GPR75: variants seen among roughly 807,000 people sequenced by gnomAD.
The protein encoded by GPR75 is probable G protein-coupled receptor 75.
Under a neutral mutation model 26.0 loss-of-function variants are expected in GPR75, and 27 were observed. That is an observed-to-expected ratio of 1.04 (90% CI 0.77 to 1.43). The LOEUF (loss-of-function observed/expected upper bound fraction) is 1.43. Among genes scored for constraint, GPR75 ranks in the 40% most tolerant of loss-of-function variants. The pLI is 0.00. For synonymous variants in GPR75, 285 were observed against 256.3 expected (o/e 1.11, Z -1.07); for missense variants, 699 against 662.3 (o/e 1.06, Z -0.61).
chr2:53,856,037 G>A (rs906203184), intron 1 of GPR75, among the ~76,000 whole-genome samples: 2 of 152,204 alleles, frequency 1.3e-5, no homozygotes, highest in Admixed American at 1.3e-4. Context: ...AGAATATCCT[G>A]ATGGTGAAGC....
chr2:53,859,761 G>A, intron 1 of GPR75, 67 bp downstream of exon 1: 2 of 1,279,100 alleles, frequency 1.6e-6, no homozygotes, highest in Non-Finnish European at 2.1e-6. Context: ...TCGCTATCCC[G>A]CCAGCCTCCG....
chr2:53,854,583 A>C lies in GPR75; in HGVS notation c.174T>G (p.Tyr58Ter). ...AGGACAAGAAGACAATGAAGTTGCC[A>C]TAGGAACCCAGGCAGAAGATGACCG... ...LLAVIFCLGS[Y>*]GNFIVFLSFF... Residue 58 changes from tyrosine (Y) to a stop codon, truncating the protein, a stop_gained, in exon 2 of 2, where the codon TAT becomes TAG. Transcript: ENST00000394705. LOFTEE classifies it high-confidence loss of function. 6.2e-7 allele frequency: 1 copy of C among 1,614,054 alleles called. No individual in the cohort carries two copies. The highest frequency in any genetic ancestry group is 2.2e-5 in the East Asian group (1 of 44,872).
rs1216138949 is a variant in GPR75 at position 53,853,758 on chromosome 2, G to A, written c.999C>T (p.Cys333=). 6.2e-7 allele frequency: 1 copy of A among 1,614,078 alleles called. No homozygotes were observed. Among genetic ancestry groups the A allele is most frequent in the East Asian group, 2.2e-5 (1 of 44,900 alleles). ...CCAAGGAAATCCCCAGTGGAAGACAGCACACCAGGACTGACAGCACAATGA... is the reference window on the plus strand; with the variant it reads ...CCAAGGAAATCCCCAGTGGAAGACAACACACCAGGACTGACAGCACAATGA... ...CVIIVLSVLV[C]CLPLGISLVQ... is the part of the protein sequence containing the mutation. Residue 333 remains cysteine, a synonymous_variant, in exon 2 of 2, where the codon TGC becomes TGT. Coordinates refer to ENST00000394705, the MANE Select transcript of GPR75 (RefSeq NM_006794.4).
intron 1 of GPR75, among the ~76,000 whole-genome samples, chr2:53,856,199 T>C (rs1678221487): frequency 2.6e-5 from 4 of 151,624 alleles, no homozygotes; most frequent in African/African-American, 9.7e-5. Flanking sequence ...TTTCCTAACT[T>C]TTTTTTTTCT....
intron 1 of GPR75, among the ~76,000 whole-genome samples, chr2:53,858,346 A>T (rs188551033): frequency 1.3e-5 from 2 of 151,856 alleles, no homozygotes; most frequent in East Asian, 3.9e-4. Flanking sequence ...ACTTTCTGGA[A>T]TCCGAAATTC....
chr2:53,853,419 A>G lies in GPR75; in HGVS notation c.1338T>C (p.Cys446=), dbSNP rs145485017. The change falls in exon 2 of 2, where the codon TGT becomes TGC. Residue 446 remains cysteine, a synonymous_variant. Coordinates refer to ENST00000394705, the MANE Select transcript of GPR75 (RefSeq NM_006794.4). ...KPQKKFVDQA[C]GPSHSKESMV... The stretch of plus-strand genomic sequence containing the variant: ...TACTTTCTTTTGAATGACTTGGGCC[A>G]CAAGCCTGGTCCACAAATTTCTTCT... 75 of 1,614,094 alleles carry G rather than the reference A, an allele frequency of 4.6e-5. 1 individual carries two copies. The highest frequency in any genetic ancestry group is 1.6e-4 in the Middle Eastern group (1 of 6,084).
chr2:53,857,032 C>T (rs1678249125), intron 1 of GPR75, among the ~76,000 whole-genome samples: 1 of 128,848 alleles, frequency 7.8e-6, no homozygotes, highest in South Asian at 2.6e-4. Context: ...GGCGCAATCT[C>T]GGCTCACTGC....
intron 1 of GPR75, among the ~76,000 whole-genome samples, chr2:53,856,222 G>A (rs1678222223): frequency 6.6e-6 from 1 of 151,804 alleles, no homozygotes; most frequent in South Asian, 2.1e-4. Flanking sequence ...TTTGCAATGA[G>A]ACTTAATGTG....
intron 1 of GPR75, among the ~76,000 whole-genome samples, chr2:53,859,130 C>G (rs1678307191): frequency 6.6e-6 from 1 of 150,796 alleles, no homozygotes; most frequent in Non-Finnish European, 1.5e-5. Flanking sequence ...CATAAATCAA[C>G]TCACGACCTG....
intron 1 of GPR75, among the ~76,000 whole-genome samples, chr2:53,857,972 T>C (rs766859567): frequency 1.3e-5 from 2 of 152,210 alleles, no homozygotes; most frequent in African/African-American, 2.4e-5. Flanking sequence ...TTTTATCAAG[T>C]GCTTATGATG....
chr2:53,857,004 G>C (rs1042537077), intron 1 of GPR75, among the ~76,000 whole-genome samples: 4 of 123,956 alleles, frequency 3.2e-5, no homozygotes, highest in East Asian at 2.4e-4. Flanking sequence ...TCGCCCAGGC[G>C]GGACTGCGGA....
At position 53,859,886 on chromosome 2, in the gene GPR75, C is replaced by T. The variant is rs1190734413; in HGVS notation, c.-168G>A. 2.6e-6 allele frequency: 4 copies of T among 1,532,452 alleles called. No homozygotes were observed. Among genetic ancestry groups the T allele is most frequent in the Non-Finnish European group, 3.5e-6 (4 of 1,144,428 alleles). 94.9% of individuals were successfully genotyped at this position (1,532,452 alleles called of 1,614,324 possible). ...TCTCGCAGTCCGGACCCCAGCTCCG[C>T]CTGCCGCTCTGGATGATGCAGGACT... On this transcript the variant is annotated 5_prime_UTR_variant, in exon 1 of 2. Transcript: ENST00000394705.
intron 1 of GPR75, 52 bp downstream of exon 1, chr2:53,859,776 C>T: frequency 2.1e-6 from 3 of 1,398,000 alleles, no homozygotes; most frequent in South Asian, 1.3e-5. Context: ...CCTCCGGGAG[C>T]CGTCTCCGGC....
At chr2:53,856,966 T>TTTTTTTTA (rs747767864) in intron 1 of GPR75, among the ~76,000 whole-genome samples, 1 of 127,810 alleles carries the variant, frequency 7.8e-6, no homozygotes, top group Non-Finnish European at 1.6e-5. Context: ...TTTTTTTTTT[T>TTTTTTTTA]TTTTTTTTGA....
At chr2:53,858,736 G>A (rs1334139860) in intron 1 of GPR75, among the ~76,000 whole-genome samples, 1 of 151,890 alleles carries the variant, frequency 6.6e-6, no homozygotes, top group African/African-American at 2.4e-5. Context: ...TTTGGAAGGG[G>A]AATAAATTAA....
Position 53,854,257 on chromosome 2 carries a change from A to G in GPR75, c.500T>C (p.Leu167Pro). ...AAGGGTGAAACTGGTGGCCCAGAGA[A>G]GCAGGGTGAGGAGTACGGTGCAGGG... ...SFPCTVLLTL[L>P]LWATSFTLAT... The change falls in exon 2 of 2, where the codon CTT (leucine) becomes CCT (proline). Residue 167 changes from leucine to proline, a missense_variant. Transcript: ENST00000394705. The G allele has an allele frequency of 1.2e-6, 2 of 1,614,074 alleles. No individual in the cohort carries two copies. The highest frequency in any genetic ancestry group is 1.6e-4 in the Middle Eastern group (1 of 6,062).
At position 53,853,194 on chromosome 2, in the gene GPR75, A is replaced by T. The variant is rs777432982; in HGVS notation, c.1563T>A (p.Asn521Lys). The change falls in exon 2 of 2, where the codon AAT becomes AAA. Residue 521 changes from asparagine to lysine, a missense_variant. Coordinates refer to ENST00000394705, the MANE Select transcript of GPR75 (RefSeq NM_006794.4). ...TGCTGTCATATTCCTGCACTAAGTC[A>T]TTAGTGGTGTGATAATGCATGGCAA... ...SYIAMHYHTT[N>K]DLVQEYDSTS... 9 of 1,613,018 alleles carry T rather than the reference A, an allele frequency of 5.6e-6. No individual in the cohort carries two copies. The African/African-American group carries it at 1.1e-4, about 19-fold the overall frequency.
At chr2:53,856,489 C>A (rs919453430) in intron 1 of GPR75, among the ~76,000 whole-genome samples, 1 of 152,190 alleles carries the variant, frequency 6.6e-6, no homozygotes, top group Non-Finnish European at 1.5e-5. Context: ...AGCTGTTAAC[C>A]CTTTAGTTGC....
chr2:53,856,946 ATTTTTTTTTTTTTT>A (rs10665107), intron 1 of GPR75, among the ~76,000 whole-genome samples: 4 of 78,928 alleles, frequency 5.1e-5, no homozygotes, highest in Admixed American at 2.0e-4. Context: ...GAGAAAGACA[ATTTTTTTTTTTTTT>A]TTTTTTTTTT....
Sources: allele counts gnomAD v4.1 joint callset (sites outside exome capture counted in the v4.1 genomes callset), GRCh38; gene constraint gnomAD v4.1.1; transcripts MANE v1.5; gene names NCBI Gene and HGNC (gene_info 2026-07-23, HGNC 2026-07-21).